Variants in MOV10L1 observed in about 807,000 individuals in gnomAD.
MOV10L1 encodes Mov10 like RNA helicase 1.
Under a neutral mutation model 143.8 loss-of-function variants are expected in MOV10L1, and 110 were observed. The ratio of observed to expected loss-of-function variants is 0.76; its 90% CI spans 0.66 to 0.90. The LOEUF is 0.90. Ranked by LOEUF, MOV10L1 falls within the 40% of genes least tolerant of loss-of-function variation. The pLI, the probability that MOV10L1 is intolerant of heterozygous loss-of-function variation, is 0.00. For missense variants in MOV10L1, 1,406 were observed against 1,526.8 expected (o/e 0.92, Z 1.32); for synonymous variants, 593 against 581.1 (o/e 1.02, Z -0.29).
intron 26 of MOV10L1, 108 bp downstream of exon 26, chr22:50,161,163 A>G (rs2063550986): frequency 1.6e-6 from 2 of 1,237,072 alleles, no homozygotes; most frequent in Non-Finnish European, 2.3e-6. Context: ...CTGCAGCCTT[A>G]GCCCTCTGCC....
intron 8 of MOV10L1, among the ~76,000 whole-genome samples, 173 bp from the exon 9 acceptor site, chr22:50,116,984 A>G (rs561510187): frequency 6.6e-6 from 1 of 152,254 alleles, no homozygotes; most frequent in East Asian, 1.9e-4. Context: ...TCTTGAGAAA[A>G]TATTAATTAC....
chr22:50,139,734 A>G (rs549305589), intron 15 of MOV10L1, among the ~76,000 whole-genome samples: 10 of 152,342 alleles, frequency 6.6e-5, no homozygotes, highest in South Asian at 2.1e-4. Flanking sequence ...CAGAGAATAC[A>G]TACAGATGGT....
At chr22:50,149,055 G>C (rs895591909) in intron 19 of MOV10L1, among the ~76,000 whole-genome samples, 2 of 152,250 alleles carry the variant, frequency 1.3e-5, no homozygotes, top group Admixed American at 1.3e-4. Flanking sequence ...CCAGCTGAGA[G>C]TGGCTCACAA....
chr22:50,141,700 C>T (rs1016701666), intron 15 of MOV10L1, among the ~76,000 whole-genome samples: 3 of 152,032 alleles, frequency 2.0e-5, no homozygotes, highest in Non-Finnish European at 2.9e-5. Flanking sequence ...TCTCCAGGCC[C>T]GTGAGACCCA....
chr22:50,127,734 G>A (rs777340590), intron 12 of MOV10L1, among the ~76,000 whole-genome samples: 11 of 151,964 alleles, frequency 7.2e-5, no homozygotes, highest in Non-Finnish European at 1.6e-4. Context: ...TTAGCTGGAG[G>A]GCTTTTCTAC....
chr22:50,144,626 G>C (rs1347326663), intron 18 of MOV10L1, among the ~76,000 whole-genome samples: 2 of 151,556 alleles, frequency 1.3e-5, no homozygotes, highest in Non-Finnish European at 2.9e-5. Context: ...GTGTCGCCCA[G>C]GCTGAAGTGC....
chr22:50,160,403 C>G (rs1206044354), intron 24 of MOV10L1, among the ~76,000 whole-genome samples: 2 of 151,370 alleles, frequency 1.3e-5, no homozygotes, highest in Non-Finnish European at 2.9e-5. Flanking sequence ...CCCACCACCA[C>G]GCCCAGCTAA....
In MOV10L1 at chr22:50,156,453, A is replaced by G. The variant is rs2063431024; in HGVS notation, c.3067-1604A>G. The stretch of plus-strand genomic sequence containing the variant: ...TGTAAAGTTTAATAGTGTTAAGTAT[A>G]TTCACATTGTTTTGCAGTCTCCAGA... On this transcript the variant is annotated intron_variant, in intron 22 of 26. Transcript: ENST00000262794. Among the ~76,000 whole-genome samples the G allele has an allele frequency of 2.0e-5, 3 of 152,216 alleles. No individual in the cohort carries two copies. In the South Asian group the frequency reaches 6.2e-4, roughly 32 times the overall value.
In MOV10L1 at chr22:50,090,082, G is replaced by C; in HGVS notation, c.-7G>C. On this transcript the variant is annotated 5_prime_UTR_variant, in exon 1 of 27. Coordinates refer to ENST00000262794, the MANE Select transcript of MOV10L1 (RefSeq NM_018995.3). ...GCGGTGACGGCAGCCTAGGCCGGGC[G>C]AGGGCCATGCTGAGCCTCGCAGCCA... 1 of 1,293,572 alleles carries C rather than the reference G, an allele frequency of 7.7e-7. No homozygotes were observed. The highest frequency in any genetic ancestry group is 9.8e-7 in the Non-Finnish European group (1 of 1,019,966). 80.1% of individuals were successfully genotyped at this position (1,293,572 alleles called of 1,614,324 possible).
At chr22:50,126,381 C>A in intron 12 of MOV10L1, 109 bp downstream of exon 12, 2 of 668,708 alleles carry the variant, frequency 3.0e-6, no homozygotes, top group Non-Finnish European at 5.0e-6. Context: ...TATGCATTGG[C>A]TATTTTGGAA....
chr22:50,090,637 G>A, intron 1 of MOV10L1: 1 of 1,209,778 alleles, frequency 8.3e-7, no homozygotes, highest in Non-Finnish European at 1.2e-6. Flanking sequence ...AGCCCGGGAT[G>A]CGCCCGGATG....
At chr22:50,115,306 T>TG (rs1232824891) in intron 8 of MOV10L1, 60 bp downstream of exon 8, 1 of 1,430,630 alleles carries the variant, frequency 7.0e-7, no homozygotes, top group Non-Finnish European at 9.1e-7. Flanking sequence ...ACTTCTAGGT[T>TG]GGGTGTTATA....
chr22:50,127,371 C>A (rs367902006), intron 12 of MOV10L1, among the ~76,000 whole-genome samples: 1 of 152,342 alleles, frequency 6.6e-6, no homozygotes, highest in African/African-American at 2.4e-5. Flanking sequence ...TTATTTTCAT[C>A]TTTTCAGGCT....
At chr22:50,144,859 G>A (rs1254741543) in intron 18 of MOV10L1, among the ~76,000 whole-genome samples, 3 of 152,190 alleles carry the variant, frequency 2.0e-5, no homozygotes. Context: ...GGGATTACAG[G>A]CGTGAGCCAC....
At chr22:50,150,298 C>T (rs139358871) in intron 20 of MOV10L1, among the ~76,000 whole-genome samples, 70 of 152,230 alleles carry the variant, frequency 4.6e-4, no homozygotes, top group South Asian at 2.3e-3. Flanking sequence ...ATGAAGGTGA[C>T]GCCTAGGGAG....
intron 6 of MOV10L1, among the ~76,000 whole-genome samples, chr22:50,114,103 A>G: frequency 6.6e-6 from 1 of 151,254 alleles, no homozygotes. Context: ...TATTTTTAGT[A>G]GAGACGGGGT....
intron 3 of MOV10L1, among the ~76,000 whole-genome samples, chr22:50,105,177 T>C (rs965434963): frequency 3.9e-5 from 6 of 152,232 alleles, no homozygotes; most frequent in Admixed American, 3.3e-4. Flanking sequence ...AAATGTAAGA[T>C]GTTGACAATT....
At chr22:50,144,662 A>G (rs2063092228) in intron 18 of MOV10L1, among the ~76,000 whole-genome samples, 1 of 151,862 alleles carries the variant, frequency 6.6e-6, no homozygotes, top group Non-Finnish European at 1.5e-5. Context: ...GCTCACTGCA[A>G]GCTCCGCCTC....
intron 8 of MOV10L1, among the ~76,000 whole-genome samples, chr22:50,116,870 G>T (rs138221): frequency 0.46 from 69,770 of 151,604 alleles, 16,794 homozygotes; most frequent in Admixed American, 0.54. Flanking sequence ...TGCCCAGGCT[G>T]GTCTCAAACT....
Sources: gnomAD v4.1 joint callset for allele counts (sites outside exome capture counted in the v4.1 genomes callset) on GRCh38, gnomAD v4.1.1 for gene constraint, MANE v1.5 for transcripts, NCBI Gene and HGNC (gene_info 2026-07-23, HGNC 2026-07-21) for gene names.